Variants in UBR3 observed in about 807,000 individuals in gnomAD.
UBR3 encodes the protein ubiquitin protein ligase E3 component n-recognin 3.
Under a neutral mutation model 243.2 loss-of-function variants are expected in UBR3, and 85 were observed. That is an observed-to-expected ratio of 0.35 (90% confidence interval 0.29 to 0.42). UBR3 has a LOEUF of 0.42. Among genes scored for constraint, UBR3 ranks in the 10% least tolerant of loss-of-function variants. UBR3 has a pLI of 1.00. For synonymous variants in UBR3, 748 were observed against 799.8 expected (o/e 0.94, Z 1.09); for missense variants, 1,686 against 2,300.8 (o/e 0.73, Z 5.47).
chr2:170,013,302 G>A (rs2090140526), intron 29 of UBR3, among the ~76,000 whole-genome samples: 1 of 152,042 alleles, frequency 6.6e-6, no homozygotes, highest in Non-Finnish European at 1.5e-5. Context: ...GAGCCATATT[G>A]ATTTTTAAAA....
chr2:169,840,985 A>G (rs1278646288), intron 1 of UBR3, among the ~76,000 whole-genome samples: 1 of 151,822 alleles, frequency 6.6e-6, no homozygotes, highest in African/African-American at 2.4e-5. Flanking sequence ...AAACAGTTCT[A>G]CCCTCAAGGC....
chr2:169,841,706 C>T (rs1052697132), intron 1 of UBR3, among the ~76,000 whole-genome samples: 2 of 152,202 alleles, frequency 1.3e-5, no homozygotes, highest in Non-Finnish European at 2.9e-5. Context: ...GTACTGAGTC[C>T]CCCAGCAGTG....
intron 19 of UBR3, among the ~76,000 whole-genome samples, chr2:169,937,594 C>T (rs1050231000): frequency 6.6e-6 from 1 of 152,136 alleles, no homozygotes; most frequent in Non-Finnish European, 1.5e-5. Flanking sequence ...TGCCTGTGTC[C>T]GGAATGGTAT....
chr2:169,866,702 G>T (rs1265276525), intron 1 of UBR3, among the ~76,000 whole-genome samples: 1 of 152,098 alleles, frequency 6.6e-6, no homozygotes, highest in East Asian at 1.9e-4. Flanking sequence ...TTTAAATCAA[G>T]GTTTAAACCT....
intron 24 of UBR3, among the ~76,000 whole-genome samples, chr2:169,967,826 C>T (rs745379451): frequency 1.3e-4 from 20 of 151,724 alleles, no homozygotes; most frequent in Non-Finnish European, 2.6e-4. Flanking sequence ...TTGTGTGCTA[C>T]CATTTATATA....
chr2:169,925,476 T>G (rs1315251796), intron 13 of UBR3, 143 bp from the exon 14 acceptor site: 3 of 732,768 alleles, frequency 4.1e-6, no homozygotes, highest in African/African-American at 3.7e-5. Context: ...AAATGTATAT[T>G]TCAACTGATT....
chr2:170,080,431 G>C, intron 37 of UBR3, 114 bp from the exon 38 acceptor site: 1 of 1,101,392 alleles, frequency 9.1e-7, no homozygotes, highest in Non-Finnish European at 1.2e-6. Context: ...TAACTTAAAT[G>C]AAATCTTACT....
At chr2:169,970,364 G>A (rs1249625315) in intron 24 of UBR3, among the ~76,000 whole-genome samples, 2 of 127,994 alleles carry the variant, frequency 1.6e-5, no homozygotes, top group African/African-American at 5.9e-5. Context: ...GGGTACATGT[G>A]CACATTGTGC....
intron 11 of UBR3, among the ~76,000 whole-genome samples, chr2:169,918,307 C>CTTTTT (rs35089044): frequency 7.1e-6 from 1 of 141,606 alleles, no homozygotes; most frequent in African/African-American, 2.6e-5. Flanking sequence ...TATATTTTTA[C>CTTTTT]TTTTTTTTTT....
chr2:170,052,663 G>T (rs543511900), intron 32 of UBR3, among the ~76,000 whole-genome samples: 1 of 152,176 alleles, frequency 6.6e-6, no homozygotes, highest in Non-Finnish European at 1.5e-5. Flanking sequence ...AGAGTAGGAG[G>T]GTGGTTCACA....
intron 11 of UBR3, among the ~76,000 whole-genome samples, chr2:169,915,972 C>T (rs2085447979): frequency 6.6e-6 from 1 of 152,024 alleles, no homozygotes; most frequent in Non-Finnish European, 1.5e-5. Flanking sequence ...GTTTTCTGGC[C>T]CATCAGGATG....
rs550138245 is a variant in UBR3 at position 169,856,452 on chromosome 2, A to G, written c.546-15784A>G. Among the ~76,000 whole-genome samples the G allele has an allele frequency of 1.1e-3, 169 of 152,268 alleles. No homozygotes were observed. In the Middle Eastern group the frequency reaches 0.02, roughly 18 times the overall value. ...GGGTGGCGGCCGGGCAGAGGCTGCAATCTCTGCACTTTGGGAGGCCAAGGC... is the reference window on the plus strand; with the variant it reads ...GGGTGGCGGCCGGGCAGAGGCTGCAGTCTCTGCACTTTGGGAGGCCAAGGC... On this transcript the variant is annotated intron_variant, in intron 1 of 38. Coordinates refer to ENST00000272793, the MANE Select transcript of UBR3 (RefSeq NM_172070.4).
intron 24 of UBR3, among the ~76,000 whole-genome samples, chr2:169,973,552 G>A (rs2088277646): frequency 6.6e-6 from 1 of 152,160 alleles, no homozygotes; most frequent in Non-Finnish European, 1.5e-5. Context: ...TGTTAATTTT[G>A]TATCCTGAAG....
intron 1 of UBR3, among the ~76,000 whole-genome samples, chr2:169,832,039 T>G (rs1279575098): frequency 6.6e-6 from 1 of 152,188 alleles, no homozygotes; most frequent in Admixed American, 6.5e-5. Context: ...TGTTCTTGAT[T>G]GGAGATGGAG....
At chr2:169,970,412 G>T in intron 24 of UBR3, among the ~76,000 whole-genome samples, 1 of 137,776 alleles carries the variant, frequency 7.3e-6, no homozygotes, top group Non-Finnish European at 1.6e-5. Flanking sequence ...TCATGCTGGT[G>T]CGCTGCACCC....
chr2:169,920,689 C>T (rs1462960204), intron 11 of UBR3, among the ~76,000 whole-genome samples: 1 of 152,142 alleles, frequency 6.6e-6, no homozygotes, highest in East Asian at 1.9e-4. Context: ...TTCAGGCATA[C>T]TCCCAGATTG....
In UBR3 at chr2:169,906,200, A is replaced by G. The variant is rs555805310; in HGVS notation, c.1779+36A>G. On this transcript the variant is annotated intron_variant, in intron 10 of 38. Coordinates refer to ENST00000272793, the MANE Select transcript of UBR3 (RefSeq NM_172070.4). ...AATATTTTTGTTAATTTCTGTGTTT[A>G]AGAAAAAGACTTGTGAAAATATTGG... 4.0e-6 allele frequency: 6 copies of G among 1,516,524 alleles called. No homozygotes were observed. In the South Asian group the frequency reaches 5.1e-5, roughly 13 times the overall value. 93.9% of individuals were successfully genotyped at this position (1,516,524 alleles called of 1,614,324 possible).
At chr2:170,074,143 T>C (rs1377012122) in intron 36 of UBR3, among the ~76,000 whole-genome samples, 1 of 152,160 alleles carries the variant, frequency 6.6e-6, no homozygotes, top group Non-Finnish European at 1.5e-5. Flanking sequence ...AATAATGTGA[T>C]GAAAGTAGTA....
chr2:170,051,297 A>G (rs1007099966), intron 32 of UBR3, among the ~76,000 whole-genome samples: 14 of 152,140 alleles, frequency 9.2e-5, no homozygotes, highest in African/African-American at 3.4e-4. Context: ...AGCTAAAACT[A>G]TAGTGGCTAT....
Sources: gnomAD v4.1 joint callset for allele counts (sites outside exome capture counted in the v4.1 genomes callset) on GRCh38, gnomAD v4.1.1 for gene constraint, MANE v1.5 for transcripts, NCBI Gene and HGNC (gene_info 2026-07-23, HGNC 2026-07-21) for gene names.